HSPA14: variants seen among roughly 807,000 people sequenced by gnomAD.
HSPA14 encodes the protein heat shock 70 kDa protein 14.
In HSPA14, 37 loss-of-function variants were observed where a neutral mutation model predicts 65.5. That is an observed-to-expected ratio of 0.56 (90% CI 0.43 to 0.74). The LOEUF is 0.74. Among genes scored for constraint, HSPA14 ranks in the 30% least tolerant of loss-of-function variants. HSPA14 has a pLI of 0.00. For synonymous variants in HSPA14, 203 were observed against 214.2 expected (o/e 0.95, Z 0.46); for missense variants, 564 against 607.6 (o/e 0.93, Z 0.75).
Position 14,867,733 on chromosome 10 carries a change from T to G in HSPA14, c.1207-3T>G. 5 of 1,610,472 alleles carry G rather than the reference T, an allele frequency of 3.1e-6. No individual in the cohort carries two copies. The highest frequency in any genetic ancestry group is 4.2e-6 in the Non-Finnish European group (5 of 1,178,890). Reference sequence around the variant, plus strand: ...AGTATGCACCTTGTTTCCTGCTAACTAGGGTGTGGACGAATCAGGAGCCAG... The same window carrying G: ...AGTATGCACCTTGTTTCCTGCTAACGAGGGTGTGGACGAATCAGGAGCCAG... On this transcript the variant is annotated splice_polypyrimidine_tract_variant and splice_region_variant and intron_variant, in intron 11 of 13. Transcript: ENST00000378372.
chr10:14,852,655 G>A (rs1276481671), intron 8 of HSPA14, 124 bp downstream of exon 8: 1 of 781,734 alleles, frequency 1.3e-6, no homozygotes, highest in African/African-American at 1.8e-5. Flanking sequence ...TTCATTGCTT[G>A]GAAACTGGAT....
At chr10:14,855,312 A>G (rs1834138171) in intron 9 of HSPA14, among the ~76,000 whole-genome samples, 1 of 152,222 alleles carries the variant, frequency 6.6e-6, no homozygotes, top group South Asian at 2.1e-4. Context: ...TTTCATGACC[A>G]TAAATTTTTC....
chr10:14,860,032 C>T (rs941526382), intron 10 of HSPA14, among the ~76,000 whole-genome samples: 7 of 152,040 alleles, frequency 4.6e-5, no homozygotes, highest in Non-Finnish European at 7.4e-5. Flanking sequence ...TTAATACTTC[C>T]TTGTTTTCTT....
intron 10 of HSPA14, among the ~76,000 whole-genome samples, chr10:14,857,836 GT>G (rs1034928807): frequency 1.3e-5 from 2 of 150,456 alleles, no homozygotes; most frequent in African/African-American, 4.9e-5. Flanking sequence ...TATGTTTTTA[GT>G]TTTTTTGATG....
At chr10:14,853,800 A>T (rs144481571) in intron 8 of HSPA14, among the ~76,000 whole-genome samples, 1,704 of 152,212 alleles carry the variant, frequency 0.011, 37 homozygotes, top group African/African-American at 0.039. Context: ...GCTCACTGCA[A>T]TCTCCACCTC....
intron 3 of HSPA14, chr10:14,844,048 T>C: frequency 1.4e-6 from 2 of 1,438,060 alleles, no homozygotes; most frequent in Non-Finnish European, 1.8e-6. Flanking sequence ...CTAGTTCATT[T>C]TCCCAAGATT....
At position 14,841,424 on chromosome 10, in the gene HSPA14, C is replaced by T. The variant is rs576753108; in HGVS notation, c.221+1267C>T. On this transcript the variant is annotated intron_variant, in intron 3 of 13. Transcript: ENST00000378372. ...TTTTATTTAGAGAGAATTGCAGTTTCCCATGCTGCTGTGTAAGAAATAATA... is the reference window on the plus strand; with the variant it reads ...TTTTATTTAGAGAGAATTGCAGTTTTCCATGCTGCTGTGTAAGAAATAATA... Among the ~76,000 whole-genome samples the T allele has an allele frequency of 4.7e-4, 71 of 152,218 alleles. 1 individual carries two copies. In the South Asian group the frequency reaches 0.014, roughly 30 times the overall value.
intron 3 of HSPA14, chr10:14,846,514 G>A: frequency 1.0e-6 from 1 of 985,338 alleles, no homozygotes; most frequent in South Asian, 4.7e-5. Flanking sequence ...TGGAATACAG[G>A]GAGACAGTGT....
chr10:14,869,507 C>G (rs1458564800), intron 12 of HSPA14, among the ~76,000 whole-genome samples: 1 of 151,980 alleles, frequency 6.6e-6, no homozygotes, highest in East Asian at 1.9e-4. Context: ...GTTGACCAGG[C>G]TGGTCTCAAA....
At chr10:14,845,940 A>G (rs1834045006) in intron 3 of HSPA14, 1 of 815,366 alleles carries the variant, frequency 1.2e-6, no homozygotes, top group Non-Finnish European at 1.5e-6. Context: ...TTCCAGCTCT[A>G]AAAAAATTTG....
At chr10:14,845,482 A>T in intron 3 of HSPA14, 1 of 985,280 alleles carries the variant, frequency 1.0e-6, no homozygotes, top group Non-Finnish European at 1.2e-6. Flanking sequence ...CCAGGGATGG[A>T]GGTGTGAGGC....
Position 14,842,228 on chromosome 10 carries a change from C to T in HSPA14, c.221+2071C>T. The T allele has an allele frequency of 6.5e-7, 1 of 1,535,690 alleles. No individual in the cohort carries two copies. The highest frequency in any genetic ancestry group is 8.7e-7 in the Non-Finnish European group (1 of 1,146,798). ...TGAGAGCACACAGAGCTTCCCCACA[C>T]CTTCAGACTTGCACCTTGCTGTCCA... On this transcript the variant is annotated intron_variant, in intron 3 of 13. Coordinates refer to ENST00000378372, the MANE Select transcript of HSPA14 (RefSeq NM_016299.4). This position sits in a 1 kb window ranked among gnomAD's most constrained non-coding sequence, Gnocchi z 5.2.
Position 14,838,455 on chromosome 10 carries a change from A to G in HSPA14, c.53A>G (p.Tyr18Cys). Residue 18 changes from tyrosine to cysteine, a missense_variant, in exon 1 of 14, where the codon TAT becomes TGT. By Grantham distance (194) the Tyr-to-Cys change is radical (BLOSUM62 -2). Coordinates refer to ENST00000378372, the MANE Select transcript of HSPA14 (RefSeq NM_016299.4). ...LGCTSACVAV[Y>C]KDGRAGVVAN... ...TGCACCTCAGCCTGTGTGGCCGTCT[A>G]TAAGGTGAGGGGCTGCGGAGCTGGG... The G allele has an allele frequency of 3.7e-6, 6 of 1,604,550 alleles. No homozygotes were observed. Among genetic ancestry groups the G allele is most frequent in the South Asian group, 2.2e-5 (2 of 89,624 alleles).
chr10:14,852,241 CTTAG>C, intron 7 of HSPA14, 125 bp from the exon 8 acceptor site: 5 of 730,850 alleles, frequency 6.8e-6, no homozygotes, highest in Non-Finnish European at 1.1e-5. Context: ...CTATAGACAA[CTTAG>C]TTATTCACCT....
At chr10:14,856,597 C>G (rs1010753814) in intron 10 of HSPA14, among the ~76,000 whole-genome samples, 4 of 152,142 alleles carry the variant, frequency 2.6e-5, no homozygotes, top group Non-Finnish European at 4.4e-5. Context: ...TGCGATGGCT[C>G]AAGCCTGTAA....
chr10:14,840,292 T>C (rs1833956768), intron 3 of HSPA14, 135 bp downstream of exon 3: 2 of 339,502 alleles, frequency 5.9e-6, no homozygotes, highest in South Asian at 1.0e-4. Context: ...TTACAGAGAG[T>C]ACCCCCAGTA....
chr10:14,838,767 T>C (rs1358368684), intron 1 of HSPA14, among the ~76,000 whole-genome samples: 1 of 150,752 alleles, frequency 6.6e-6, no homozygotes, highest in Non-Finnish European at 1.5e-5. Flanking sequence ...CCCGGGGGGG[T>C]CCCGGAGACA....
In HSPA14 at chr10:14,854,274, T is replaced by C; in HGVS notation, c.884T>C (p.Val295Ala). 1 of 1,588,096 alleles carries C rather than the reference T, an allele frequency of 6.3e-7. No homozygotes were observed. Among genetic ancestry groups the C allele is most frequent in the Non-Finnish European group, 8.6e-7 (1 of 1,168,702 alleles). The change falls in exon 9 of 14, where the codon GTG becomes GCG. Residue 295 changes from valine (V) to alanine (A), a missense_variant. Transcript: ENST00000378372. ...LYEGQDFDCN[V>A]SRARFELLCS... ...GAAGGTCAAGATTTTGATTGCAATG[T>C]GTCCAGGTAAAACTGAAGTTCAAAA...
intron 11 of HSPA14, among the ~76,000 whole-genome samples, 164 bp downstream of exon 11, chr10:14,867,459 G>A (rs1239600739): frequency 6.6e-6 from 1 of 152,024 alleles, no homozygotes; most frequent in African/African-American, 2.4e-5. Flanking sequence ...CTACTTTTAA[G>A]GTATGTCTTA....
Sources: allele counts gnomAD v4.1 joint callset (sites outside exome capture counted in the v4.1 genomes callset), GRCh38; gene constraint gnomAD v4.1.1; non-coding constraint Gnocchi (gnomAD v3.1); transcripts MANE v1.5; gene names NCBI Gene and HGNC (gene_info 2026-07-23, HGNC 2026-07-21).